SRGAP3: variants seen among roughly 807,000 people sequenced by gnomAD.
The protein encoded by SRGAP3 is SLIT-ROBO Rho GTPase activating protein 3.
Under a neutral mutation model 121.1 loss-of-function variants are expected in SRGAP3, and 39 were observed. That is an observed-to-expected ratio of 0.32 (90% CI 0.25 to 0.42). The LOEUF (loss-of-function observed/expected upper bound fraction) is 0.42. Among genes scored for constraint, SRGAP3 ranks in the 10% least tolerant of loss-of-function variants. SRGAP3 has a pLI of 1.00. For synonymous variants in SRGAP3, 601 were observed against 570.0 expected (o/e 1.05, Z -0.77); for missense variants, 1,213 against 1,470.6 (o/e 0.82, Z 2.86).
At chr3:9,125,004 A>G in intron 1 of SRGAP3, 87 bp from the exon 2 acceptor site, 1 of 1,502,808 alleles carries the variant, frequency 6.7e-7, no homozygotes, top group South Asian at 1.2e-5. Flanking sequence ...GGGCCCTGCA[A>G]TTCAGGCAGC....
Position 9,064,540 on chromosome 3 carries a change from A to G in SRGAP3, c.528T>C (p.Ser176=), listed in dbSNP as rs1330258821. ...CAGCCTCCTTCAGCTTGCTTTCCGC[A>G]CTGATGCTCTCTGCATGGTACATGT... ...TYHMYHAESI[S]AESKLKEAEK... Residue 176 remains serine (S), a synonymous_variant, in exon 5 of 22, where the codon AGT becomes AGC. Coordinates refer to ENST00000383836, the MANE Select transcript of SRGAP3 (RefSeq NM_014850.4). 1 of 1,613,748 alleles carries G rather than the reference A, an allele frequency of 6.2e-7. No individual in the cohort carries two copies. Among genetic ancestry groups the G allele is most frequent in the Non-Finnish European group, 8.5e-7 (1 of 1,180,000 alleles).
At chr3:9,071,951 G>A (rs1010404176) in intron 4 of SRGAP3, among the ~76,000 whole-genome samples, 4 of 152,188 alleles carry the variant, frequency 2.6e-5, no homozygotes, top group African/African-American at 9.7e-5. Flanking sequence ...ATCAGTGTGT[G>A]AGCCCCTGGA....
At position 9,042,392 on chromosome 3, in the gene SRGAP3, A is replaced by G. The variant is rs577812035; in HGVS notation, c.1409-4302T>C. 8.6e-4 allele frequency among the ~76,000 whole-genome samples: 130 copies of G among 151,996 alleles called. 3 individuals carry two copies. Among genetic ancestry groups the G allele is most frequent in the African/African-American group, 3.1e-3 (127 of 41,444 alleles). ...CAACTCTGGAATCCCACCTAGCACT[A>G]ACATTAAAAGACTTTTAGAAGAAAG... On this transcript the variant is annotated intron_variant, in intron 10 of 21. Coordinates refer to ENST00000383836, the MANE Select transcript of SRGAP3 (RefSeq NM_014850.4).
intron 1 of SRGAP3, among the ~76,000 whole-genome samples, chr3:9,216,426 C>A (rs1952629008): frequency 6.6e-6 from 1 of 152,192 alleles, no homozygotes; most frequent in African/African-American, 2.4e-5. Context: ...ACCCAAAACA[C>A]CCTGTGGAGC....
intron 1 of SRGAP3, among the ~76,000 whole-genome samples, chr3:9,134,977 T>C (rs1288674677): frequency 6.6e-6 from 1 of 152,212 alleles, no homozygotes; most frequent in Non-Finnish European, 1.5e-5. Context: ...CTACCTCATA[T>C]TGTTGTGAGA....
At chr3:9,121,748 C>T (rs1949012886) in intron 2 of SRGAP3, among the ~76,000 whole-genome samples, 1 of 152,218 alleles carries the variant, frequency 6.6e-6, no homozygotes, top group Non-Finnish European at 1.5e-5. Flanking sequence ...TCCCTATGTG[C>T]ACACTGAGAA....
At chr3:9,200,944 G>A (rs1952049776) in intron 1 of SRGAP3, among the ~76,000 whole-genome samples, 1 of 152,118 alleles carries the variant, frequency 6.6e-6, no homozygotes, top group Non-Finnish European at 1.5e-5. Flanking sequence ...TGACTACCCA[G>A]AGATGATCAG....
chr3:9,356,199 T>TC (rs1485022614), intron 1 of SRGAP3, among the ~76,000 whole-genome samples: 14 of 143,076 alleles, frequency 9.8e-5, no homozygotes, highest in Non-Finnish European at 1.5e-4. Flanking sequence ...TTTCTTTTTT[T>TC]TTTTTTTTTT....
At chr3:9,085,138 C>G (rs1947403673) in intron 3 of SRGAP3, among the ~76,000 whole-genome samples, 1 of 152,246 alleles carries the variant, frequency 6.6e-6, no homozygotes. Flanking sequence ...AAGAGACTTT[C>G]TCTCTGGCAA....
rs576117026 is a variant in SRGAP3 at position 9,150,158 on chromosome 3, G to A, written c.68-25241C>T. 3.3e-5 allele frequency among the ~76,000 whole-genome samples: 5 copies of A among 152,178 alleles called. No individual in the cohort carries two copies. The East Asian group carries it at 7.7e-4, about 24-fold the overall frequency. On this transcript the variant is annotated intron_variant, in intron 1 of 21. Coordinates refer to ENST00000383836, the MANE Select transcript of SRGAP3 (RefSeq NM_014850.4). ...TAATGAGATGAGGGGGTGCCAGGGA[G>A]ATCAAGAGGGGGTCCCGAAAGTAAT...
At chr3:9,322,983 A>T (rs1019610684) in intron 3 of SRGAP3, among the ~76,000 whole-genome samples, 6 of 151,966 alleles carry the variant, frequency 3.9e-5, no homozygotes, top group African/African-American at 1.4e-4. Flanking sequence ...AATATGACTC[A>T]GCAACAAAAA....
intron 4 of SRGAP3, among the ~76,000 whole-genome samples, chr3:9,075,114 T>C (rs2125247605): frequency 6.6e-6 from 1 of 152,314 alleles, no homozygotes; most frequent in Admixed American, 6.5e-5. Context: ...TTACAGTTTG[T>C]GAGTTGTTTT....
chr3:9,111,704 A>T (rs893602424), intron 2 of SRGAP3, among the ~76,000 whole-genome samples: 3 of 152,120 alleles, frequency 2.0e-5, no homozygotes, highest in African/African-American at 7.2e-5. Context: ...TGGAAAGTGG[A>T]ACCCCTTTGA....
intron 1 of SRGAP3, among the ~76,000 whole-genome samples, chr3:9,168,171 G>GA (rs1950858535): frequency 1.3e-5 from 2 of 152,228 alleles, no homozygotes; most frequent in Admixed American, 1.3e-4. Flanking sequence ...AGTCAGAAGT[G>GA]AGGTCTAAAA....
chr3:9,041,169 T>G (rs1944995320), intron 10 of SRGAP3, among the ~76,000 whole-genome samples: 1 of 152,232 alleles, frequency 6.6e-6, no homozygotes, highest in East Asian at 1.9e-4. Flanking sequence ...GCAAATGGAC[T>G]TGGAGATATG....
At chr3:9,204,909 A>C (rs1952209676) in intron 1 of SRGAP3, among the ~76,000 whole-genome samples, 2 of 152,364 alleles carry the variant, frequency 1.3e-5, no homozygotes, top group South Asian at 4.1e-4. Context: ...TGCACGTTAA[A>C]GGCTGGACGT....
At chr3:9,086,149 G>A (rs978412209) in intron 3 of SRGAP3, among the ~76,000 whole-genome samples, 1 of 152,152 alleles carries the variant, frequency 6.6e-6, no homozygotes, top group Admixed American at 6.5e-5. Flanking sequence ...GCTTCCTGGG[G>A]GACCCAATCT....
In SRGAP3 at chr3:9,058,242, G is replaced by T; in HGVS notation, c.1023+9C>A. ...CAGCCCCAAGCCCGGGCTCCAGGAG[G>T]AAGCCTACCTCATCCCCCATGTGGG... is the stretch of plus-strand genomic sequence containing the variant. On this transcript the variant is annotated intron_variant, in intron 7 of 21. Coordinates refer to ENST00000383836, the MANE Select transcript of SRGAP3 (RefSeq NM_014850.4). The T allele has an allele frequency of 6.2e-7, 1 of 1,613,974 alleles. No homozygotes were observed. The highest frequency in any genetic ancestry group is 1.1e-5 in the South Asian group (1 of 91,064).
chr3:9,276,724 C>T (rs925930202), intron 3 of SRGAP3, among the ~76,000 whole-genome samples: 12 of 152,346 alleles, frequency 7.9e-5, no homozygotes, highest in Admixed American at 1.3e-4. Flanking sequence ...CGCATCCAGC[C>T]GAATTTTTAC....
Sources: gnomAD v4.1 joint callset for allele counts (sites outside exome capture counted in the v4.1 genomes callset) on GRCh38, gnomAD v4.1.1 for gene constraint, MANE v1.5 for transcripts, NCBI Gene and HGNC (gene_info 2026-07-23, HGNC 2026-07-21) for gene names.